The following VBP1 variants were observed in gnomAD, a reference collection of about 807,000 sequenced individuals.
The protein encoded by VBP1 is VHL binding protein 1, also known as prefoldin subunit 3.
In VBP1, 4 loss-of-function variants were observed where a neutral mutation model predicts 15.5. That is an observed-to-expected ratio of 0.26 (90% CI 0.13 to 0.59). VBP1 has a LOEUF of 0.59. Ranked by LOEUF, VBP1 falls within the 20% of genes least tolerant of loss-of-function variation. The pLI is 0.90. For synonymous variants in VBP1, 61 were observed against 52.1 expected, an observed-to-expected ratio of 1.17 and a Z score of -0.74; for missense variants, 108 against 139.6, an observed-to-expected ratio of 0.77 and a Z score of 1.14.
At chrX:155,207,137 G>GA (rs1415173846) in intron 1 of VBP1, among the ~76,000 whole-genome samples, 1 of 111,505 alleles carries the variant, frequency 9.0e-6, no homozygotes, top group Non-Finnish European at 1.9e-5. Flanking sequence ...ATGGGTTGCA[G>GA]AAAAAACTAT....
chrX:155,227,176 G>T, intron 2 of VBP1, 59 bp from the exon 3 acceptor site: 1 of 1,015,401 alleles, frequency 9.8e-7, no homozygotes, highest in Non-Finnish European at 1.4e-6. Flanking sequence ...TAGTAAGACC[G>T]TGTCCTGTTG....
intron 4 of VBP1, 115 bp from the exon 5 acceptor site, chrX:155,236,114 C>T (rs1183185071): frequency 2.5e-5 from 21 of 848,042 alleles, no homozygotes; most frequent in Non-Finnish European, 2.7e-5. Context: ...ACTTAACTTA[C>T]AACAAAAGGC....
At chrX:155,225,729 TCA>T (rs2074716502) in intron 2 of VBP1, among the ~76,000 whole-genome samples, 1 of 112,607 alleles carries the variant, frequency 8.9e-6, no homozygotes, top group East Asian at 2.8e-4. Context: ...TGTGTGTGTA[TCA>T]CATATTTTAC....
At chrX:155,216,084 G>A (rs1223069018), upstream of VBP1, among the ~76,000 whole-genome samples, 1 of 110,475 alleles carries the variant, frequency 9.1e-6, no homozygotes, top group Non-Finnish European at 1.9e-5. Flanking sequence ...AGGTTCGCTA[G>A]CATCCGAGAG....
At chrX:155,230,580 T>C (rs1444083236) in intron 4 of VBP1, among the ~76,000 whole-genome samples, 1 of 111,923 alleles carries the variant, frequency 8.9e-6, no homozygotes, top group Non-Finnish European at 1.9e-5. Context: ...TCCATTATTC[T>C]GCCCAAAATC....
At chrX:155,237,353 G>A (rs1229547220) in intron 5 of VBP1, among the ~76,000 whole-genome samples, 1 of 111,563 alleles carries the variant, frequency 9.0e-6, no homozygotes, top group Non-Finnish European at 1.9e-5. Context: ...GCCCATTACT[G>A]TTCTCGTTCT....
In VBP1 at chrX:155,239,079, A is replaced by C. The variant is rs781910346; in HGVS notation, c.*237A>C. ...ATTTTAATCATTATTTTTGCCTGTC[A>C]TAAGAAAACTCTTAGCTGAAATGGC... On this transcript the variant is annotated 3_prime_UTR_variant, in exon 6 of 6. Coordinates refer to ENST00000286428, the MANE Select transcript of VBP1 (RefSeq NM_003372.7). The C allele has an allele frequency of 1.1e-5, 3 of 268,228 alleles. No individual in the cohort carries two copies. In the South Asian group the frequency reaches 2.8e-4, roughly 25 times the overall value. 22.1% of individuals were successfully genotyped at this position (268,228 alleles called of 1,213,427 possible). A position where few individuals can be genotyped will look rare whatever the true frequency, so the allele number is the denominator to read the frequency against.
intron 4 of VBP1, among the ~76,000 whole-genome samples, chrX:155,235,140 G>GTA (rs1173702625): frequency 9.1e-6 from 1 of 110,058 alleles, no homozygotes; most frequent in Non-Finnish European, 1.9e-5. Context: ...GTGTGTGTGT[G>GTA]TGTGTAGTAT....
intron 1 of VBP1, among the ~76,000 whole-genome samples, chrX:155,201,224 A>T (rs1330448055): frequency 2.7e-5 from 3 of 110,553 alleles, no homozygotes; most frequent in Non-Finnish European, 5.7e-5. Flanking sequence ...TATTCCAATC[A>T]ATAGAAAAAG....
intron 1 of VBP1, among the ~76,000 whole-genome samples, chrX:155,199,640 G>C (rs1488755425): frequency 1.8e-5 from 2 of 112,058 alleles, no homozygotes; most frequent in African/African-American, 6.5e-5. Flanking sequence ...ACCAGTACCA[G>C]CCACTGCAAA....
chrX:155,202,983 A>C (rs1387027706), intron 1 of VBP1, among the ~76,000 whole-genome samples: 3 of 112,206 alleles, frequency 2.7e-5, no homozygotes, highest in Admixed American at 1.9e-4. Flanking sequence ...GAAGACATTT[A>C]TGCAGCCAAC....
intron 1 of VBP1, among the ~76,000 whole-genome samples, chrX:155,217,710 A>G (rs191627728): frequency 8.9e-6 from 1 of 112,238 alleles, no homozygotes; most frequent in East Asian, 2.8e-4. Context: ...GTTGAGTGCC[A>G]GGCACTTTCT....
At chrX:155,218,229 T>C (rs983866403) in intron 1 of VBP1, among the ~76,000 whole-genome samples, 1 of 112,250 alleles carries the variant, frequency 8.9e-6, no homozygotes, top group Non-Finnish European at 1.9e-5. Context: ...TCCAAACTAT[T>C]AATAATTGAA....
chrX:155,202,457 A>G, intron 1 of VBP1, among the ~76,000 whole-genome samples: 1 of 111,353 alleles, frequency 9.0e-6, no homozygotes, highest in Non-Finnish European at 1.9e-5. Context: ...AACGCCGCAT[A>G]TCTACAACTA....
chrX:155,236,094 C>A, intron 4 of VBP1, 135 bp from the exon 5 acceptor site: 1 of 673,471 alleles, frequency 1.5e-6, no homozygotes, highest in Non-Finnish European at 2.1e-6. Context: ...AATAGCTGGG[C>A]TCCAGTGAAA....
intron 4 of VBP1, among the ~76,000 whole-genome samples, chrX:155,228,873 A>C (rs1237012030): frequency 3.6e-5 from 4 of 112,642 alleles, no homozygotes; most frequent in Non-Finnish European, 7.5e-5. Context: ...GAGTTTAATA[A>C]TTCTAGAAAG....
chrX:155,233,431 C>T lies in VBP1; in HGVS notation c.385-2798C>T, dbSNP rs192749300. 2.7e-5 allele frequency among the ~76,000 whole-genome samples: 3 copies of T among 111,956 alleles called. No homozygotes were observed. The Admixed American group carries it at 2.8e-4, about 11-fold the overall frequency. On this transcript the variant is annotated intron_variant, in intron 4 of 5. Coordinates refer to ENST00000286428, the MANE Select transcript of VBP1 (RefSeq NM_003372.7). ...TTTCTTACACTTTAGATCTTTCAAA[C>T]TTCTCATTCTGCTGCCAGCCAGAAA... is the stretch of plus-strand genomic sequence containing the variant.
At chrX:155,215,593 G>C (rs2074659630), upstream of VBP1, among the ~76,000 whole-genome samples, 1 of 112,155 alleles carries the variant, frequency 8.9e-6, no homozygotes, top group Non-Finnish European at 1.9e-5. Context: ...GAGATAAACC[G>C]GTAACAGTGA....
At chrX:155,236,127 C>A (rs2074771531) in intron 4 of VBP1, 102 bp from the exon 5 acceptor site, 2 of 926,727 alleles carry the variant, frequency 2.2e-6, no homozygotes, top group East Asian at 6.9e-5. Context: ...CAAAAGGCAG[C>A]AAGCTGGATT....
Sources: gnomAD v4.1 joint callset for allele counts (sites outside exome capture counted in the v4.1 genomes callset) on GRCh38, gnomAD v4.1.1 for gene constraint, MANE v1.5 for transcripts, NCBI Gene and HGNC (gene_info 2026-07-23, HGNC 2026-07-21) for gene names.